Variants in RHAG observed in about 807,000 individuals in gnomAD.
RHAG encodes the protein ammonium transporter Rh type A.
In RHAG, 25 loss-of-function variants were observed where a neutral mutation model predicts 42.4. That is an observed-to-expected ratio of 0.59 (90% CI 0.43 to 0.82). RHAG has a LOEUF of 0.82. Among genes scored for constraint, RHAG ranks in the 40% least tolerant of loss-of-function variants. The pLI is 0.00. For synonymous variants in RHAG, 182 were observed against 177.7 expected (o/e 1.02, Z -0.19); for missense variants, 483 against 504.6 (o/e 0.96, Z 0.41).
chr6:49,635,978 A>G (rs989464819), intron 1 of RHAG, among the ~76,000 whole-genome samples: 9 of 152,114 alleles, frequency 5.9e-5, no homozygotes, highest in African/African-American at 2.2e-4. Context: ...GACGCAGTAA[A>G]TGGTAGTTAT....
At chr6:49,612,679 G>A in intron 5 of RHAG, 145 bp from the exon 6 acceptor site, 3 of 996,150 alleles carry the variant, frequency 3.0e-6, no homozygotes, top group Non-Finnish European at 4.6e-6. Context: ...GGTTTGTTTG[G>A]ATTTATAGAA....
Position 49,626,565 on chromosome 6 carries a change from T to G in RHAG, c.158-7203A>C, listed in dbSNP as rs187402006. ...TTTCACAGCTAGAGTTGAGTGTCTG[T>G]GGCTTTTCCAGGGGCACGGTGCAAG... On this transcript the variant is annotated intron_variant, in intron 1 of 9. Transcript: ENST00000371175. 2.6e-5 allele frequency among the ~76,000 whole-genome samples: 4 copies of G among 152,304 alleles called. No homozygotes were observed. In the East Asian group the frequency reaches 7.7e-4, roughly 29 times the overall value.
At position 49,634,590 on chromosome 6, in the gene RHAG, T is replaced by TA. The variant is rs969286649; in HGVS notation, c.157+2065dup. On this transcript the variant is annotated intron_variant, in intron 1 of 9. Transcript: ENST00000371175. ...AAGTATCCATCAGTGGATGAATAGA[T>TA]AAAAAAAAATGTGGCATATATACAC... Among the ~76,000 whole-genome samples the TA allele has an allele frequency of 6.0e-5, 9 of 151,256 alleles. No homozygotes were observed. In the East Asian group the frequency reaches 7.8e-4, roughly 13 times the overall value.
chr6:49,622,339 C>A (rs1762771260), intron 1 of RHAG, among the ~76,000 whole-genome samples: 1 of 151,790 alleles, frequency 6.6e-6, no homozygotes, highest in South Asian at 2.1e-4. Flanking sequence ...GTCTCAGCCT[C>A]CCAAGTAGCT....
At chr6:49,626,527 C>T (rs536165873) in intron 1 of RHAG, among the ~76,000 whole-genome samples, 9 of 152,334 alleles carry the variant, frequency 5.9e-5, no homozygotes, top group Non-Finnish European at 1.3e-4. Flanking sequence ...GTACAGCCCC[C>T]TTTCCAGGCT....
chr6:49,634,393 A>C (rs935117348), intron 1 of RHAG, among the ~76,000 whole-genome samples: 4 of 152,152 alleles, frequency 2.6e-5, no homozygotes, highest in African/African-American at 9.7e-5. Flanking sequence ...TAATGTAAAC[A>C]ATATGGAAGT....
intron 1 of RHAG, among the ~76,000 whole-genome samples, chr6:49,631,056 G>T (rs2180722): frequency 0.96 from 145,501 of 152,270 alleles, 69,560 homozygotes; most frequent in East Asian, 1. Flanking sequence ...ACTAAATATT[G>T]TTGGCAAGAA....
Position 49,606,492 on chromosome 6 carries a change from T to C in RHAG, c.1212+356A>G, listed in dbSNP as rs528271073. Among the ~76,000 whole-genome samples, 11 of 152,292 alleles carry C rather than the reference T, an allele frequency of 7.2e-5. 1 individual carries two copies. The highest frequency in any genetic ancestry group is 7.2e-4 in the Admixed American group (11 of 15,290). ...CTTTAGAAAATACCATAACTTCTGA[T>C]TTTATCTGGCTGGGCACATCATCTC... On this transcript the variant is annotated intron_variant, in intron 9 of 9. Coordinates refer to ENST00000371175, the MANE Select transcript of RHAG (RefSeq NM_000324.3).
intron 1 of RHAG, among the ~76,000 whole-genome samples, chr6:49,627,221 A>C (rs929051177): frequency 1.3e-5 from 2 of 152,122 alleles, no homozygotes; most frequent in African/African-American, 4.8e-5. Flanking sequence ...TCAGGCCGAA[A>C]ATTTTCTAAA....
chr6:49,630,592 C>T (rs1286891642), intron 1 of RHAG, among the ~76,000 whole-genome samples: 1 of 152,136 alleles, frequency 6.6e-6, no homozygotes, highest in Admixed American at 6.6e-5. Context: ...CTTCCTCCCT[C>T]TAAATATATT....
Position 49,611,095 on chromosome 6 carries a change from G to A in RHAG, c.996C>T (p.Asn332=), listed in dbSNP as rs1762562395. 1.9e-6 allele frequency: 3 copies of A among 1,613,698 alleles called. No individual in the cohort carries two copies. The highest frequency in any genetic ancestry group is 2.5e-6 in the Non-Finnish European group (3 of 1,179,724). ...LRIHDTCGVH[N]LHGLPGVVGG... is the part of the protein sequence containing the mutation. ...CCACTACACCAGGTAAGCCGTGGAGGTTATGGACCCCACATGTATCATGGA... is the reference window on the plus strand; with the variant it reads ...CCACTACACCAGGTAAGCCGTGGAGATTATGGACCCCACATGTATCATGGA... Residue 332 remains asparagine, a synonymous_variant, in exon 7 of 10, where the codon AAC becomes AAT. Coordinates refer to ENST00000371175, the MANE Select transcript of RHAG (RefSeq NM_000324.3).
At chr6:49,623,279 A>C (rs574975442) in intron 1 of RHAG, among the ~76,000 whole-genome samples, 77 of 152,308 alleles carry the variant, frequency 5.1e-4, no homozygotes, top group Non-Finnish European at 9.4e-4. Context: ...AATTAATGAG[A>C]GCTTAAAAGT....
intron 7 of RHAG, among the ~76,000 whole-genome samples, chr6:49,610,730 C>T (rs990794357): frequency 7.2e-5 from 11 of 152,320 alleles, no homozygotes; most frequent in African/African-American, 2.4e-4. Context: ...AAAGACTAAT[C>T]CTTCTATAAT....
chr6:49,636,527 T>C lies in RHAG; in HGVS notation c.157+129A>G, dbSNP rs369066791. On this transcript the variant is annotated intron_variant, in intron 1 of 9. Coordinates refer to ENST00000371175, the MANE Select transcript of RHAG (RefSeq NM_000324.3). ...CAGATGTCACATCACAAACATGTAA[T>C]ATCCTTAGCACTCATAACCATCATA... 7.1e-6 allele frequency: 7 copies of C among 989,516 alleles called. 1 individual carries two copies. In the African/African-American group the frequency reaches 1.1e-4, roughly 16 times the overall value. The allele number at this position is 989,516 out of a possible 1,614,324, so 61.3% of individuals were successfully genotyped here. A position where few individuals can be genotyped will look rare whatever the true frequency, so the allele number is the denominator to read the frequency against.
chr6:49,610,894 G>A (rs1235302693), intron 7 of RHAG, 130 bp downstream of exon 7: 65 of 1,036,434 alleles, frequency 6.3e-5, no homozygotes, highest in East Asian at 1.7e-4. Context: ...TCTCAGGCGC[G>A]TCTCTTTGGC....
Position 49,614,721 on chromosome 6 carries a change from G to C in RHAG, c.773C>G (p.Ser258Cys), listed in dbSNP as rs1347691328. The change falls in exon 5 of 10, where the codon TCC becomes TGC. Residue 258 changes from serine to cysteine, a missense_variant. Physicochemically the swap from Ser to Cys is moderately radical, Grantham distance 112. Transcript: ENST00000371175. ...AACVLTAFAF[S>C]SLVEHRGKLN... The stretch of plus-strand genomic sequence containing the variant: ...CTTGCCTCGGTGCTCCACTAGGCTG[G>C]AGAAGGCAAAGGCTGTGAGCACACA... 3 of 1,614,054 alleles carry C rather than the reference G, an allele frequency of 1.9e-6. No individual in the cohort carries two copies. The highest frequency in any genetic ancestry group is 2.5e-6 in the Non-Finnish European group (3 of 1,180,024).
At chr6:49,622,840 TTTTG>T (rs1762784701) in intron 1 of RHAG, among the ~76,000 whole-genome samples, 1 of 147,852 alleles carries the variant, frequency 6.8e-6, no homozygotes, top group Non-Finnish European at 1.5e-5. Flanking sequence ...CTTTTTTTTT[TTTTG>T]TTTTGTTTTG....
chr6:49,624,095 G>A (rs931010230), intron 1 of RHAG, among the ~76,000 whole-genome samples: 1 of 152,190 alleles, frequency 6.6e-6, no homozygotes, highest in Non-Finnish European at 1.5e-5. Context: ...AAGTATAAAA[G>A]CGAAGAAATC....
At chr6:49,635,805 T>C (rs1049459242) in intron 1 of RHAG, among the ~76,000 whole-genome samples, 1 of 152,186 alleles carries the variant, frequency 6.6e-6, no homozygotes, top group African/African-American at 2.4e-5. Flanking sequence ...AGCTTAGACA[T>C]ATGCTATGAA....
Sources: gnomAD v4.1 joint callset for allele counts (sites outside exome capture counted in the v4.1 genomes callset) on GRCh38, gnomAD v4.1.1 for gene constraint, MANE v1.5 for transcripts, NCBI Gene and HGNC (gene_info 2026-07-23, HGNC 2026-07-21) for gene names.